The following CIMAP2 variants were observed in gnomAD, a reference collection of about 807,000 sequenced individuals.
CIMAP2 encodes ciliary microtubule-associated protein 2.
At chr1:54,818,182 G>T in the CIMAP2 span, among the ~76,000 whole-genome samples, 1 of 152,072 alleles carries the variant, frequency 6.6e-6, no homozygotes, top group Non-Finnish European at 1.5e-5. Flanking sequence ...ATGCATCTTG[G>T]CATGGGTCTG....
the CIMAP2 span, among the ~76,000 whole-genome samples, chr1:54,814,376 C>G: frequency 1.3e-5 from 2 of 152,190 alleles, no homozygotes; most frequent in Non-Finnish European, 2.9e-5. Context: ...CCCACTTGCT[C>G]CGCCCAAGGG....
the CIMAP2 span, among the ~76,000 whole-genome samples, chr1:54,827,688 T>G: frequency 2.0e-5 from 3 of 152,230 alleles, no homozygotes; most frequent in Admixed American, 6.5e-5. Context: ...CACAGGTGAA[T>G]GTACACTGCC....
chr1:54,811,765 G>GCCGGGGGGCGGGGC, the CIMAP2 span: 1 of 1,301,332 alleles, frequency 7.7e-7, no homozygotes, highest in Non-Finnish European at 1.1e-6. Context: ...GGTTCTGACA[G>GCCGGGGGGCGGGGC]CCTCCATGCC....
chr1:54,811,765 G>GCCGGGGGGGGGGGGGGGCCCCCC, the CIMAP2 span: 4 of 1,301,312 alleles, frequency 3.1e-6, no homozygotes, highest in African/African-American at 1.5e-5. Flanking sequence ...GGTTCTGACA[G>GCCGGGGGGGGGGGGGGGCCCCCC]CCTCCATGCC....
chr1:54,818,633 C>T, the CIMAP2 span, among the ~76,000 whole-genome samples: 1 of 152,006 alleles, frequency 6.6e-6, no homozygotes, highest in Non-Finnish European at 1.5e-5. Flanking sequence ...ACTCTGACGC[C>T]CAGCCTGGAG....
chr1:54,807,591 G>A, the CIMAP2 span: 5 of 1,607,400 alleles, frequency 3.1e-6, no homozygotes, highest in African/African-American at 6.7e-5. Flanking sequence ...AGCTGATGAA[G>A]GAGGTGGACA....
the CIMAP2 span, chr1:54,811,766 C>CGGGGGGGGGGGCGG: frequency 5.4e-6 from 7 of 1,305,178 alleles, no homozygotes; most frequent in Non-Finnish European, 7.6e-6. Flanking sequence ...GTTCTGACAG[C>CGGGGGGGGGGGCGG]CTCCATGCCC....
At chr1:54,814,274 C>T in the CIMAP2 span, among the ~76,000 whole-genome samples, 1 of 152,198 alleles carries the variant, frequency 6.6e-6, no homozygotes, top group Non-Finnish European at 1.5e-5. Flanking sequence ...GCCGACCTTC[C>T]CCCTGCACCT....
the CIMAP2 span, among the ~76,000 whole-genome samples, chr1:54,822,053 T>C: frequency 2.2e-5 from 3 of 137,678 alleles, no homozygotes; most frequent in East Asian, 7.1e-4. Flanking sequence ...CGCCCACCAC[T>C]ACGCCCGGCT....
chr1:54,817,085 C>T, the CIMAP2 span: 16 of 1,614,182 alleles, frequency 9.9e-6, no homozygotes, highest in South Asian at 1.1e-5. Context: ...TGGATCCAAA[C>T]GCTACCTCTC....
chr1:54,834,839 A>G, the CIMAP2 span, among the ~76,000 whole-genome samples: 1 of 152,238 alleles, frequency 6.6e-6, no homozygotes, highest in African/African-American at 2.4e-5. Flanking sequence ...GTGCTCAAAA[A>G]GTTTTAGATT....
the CIMAP2 span, chr1:54,812,084 C>T: frequency 4.3e-6 from 7 of 1,614,170 alleles, no homozygotes; most frequent in Middle Eastern, 1.6e-4. Context: ...TCTTCAAAAG[C>T]GACCTTGAGA....
chr1:54,820,017 T>TTTCC, the CIMAP2 span, among the ~76,000 whole-genome samples: 392 of 123,778 alleles, frequency 3.2e-3, 4 homozygotes, highest in African/African-American at 0.013. Flanking sequence ...CTTTTCCTTC[T>TTTCC]TTCCTTCCTT....
the CIMAP2 span, chr1:54,814,878 C>T: frequency 1.2e-6 from 2 of 1,613,054 alleles, no homozygotes; most frequent in Non-Finnish European, 1.7e-6. Context: ...ACTGCCAGAG[C>T]CTCTCCAGAT....
the CIMAP2 span, among the ~76,000 whole-genome samples, chr1:54,837,210 A>G: frequency 6.6e-6 from 1 of 152,056 alleles, no homozygotes; most frequent in African/African-American, 2.4e-5. Flanking sequence ...TTTGTTCCCC[A>G]AATGACGTCA....
the CIMAP2 span, chr1:54,808,095 T>TCCAG: frequency 7.8e-6 from 11 of 1,402,278 alleles, no homozygotes; most frequent in South Asian, 5.0e-5. Context: ...TACATATCCA[T>TCCAG]CCAGCCAGCC....
At chr1:54,811,765 G>GCCGGGGGGGGGCCC in the CIMAP2 span, 4 of 1,301,316 alleles carry the variant, frequency 3.1e-6, no homozygotes, top group Non-Finnish European at 3.3e-6. Flanking sequence ...GGTTCTGACA[G>GCCGGGGGGGGGCCC]CCTCCATGCC....
chr1:54,840,184 A>T, the CIMAP2 span, among the ~76,000 whole-genome samples: 1 of 152,168 alleles, frequency 6.6e-6, no homozygotes, highest in Non-Finnish European at 1.5e-5. Context: ...CAATTCTACC[A>T]TCCCTGGAGT....
chr1:54,825,111 C>T, the CIMAP2 span, among the ~76,000 whole-genome samples: 37 of 131,872 alleles, frequency 2.8e-4, no homozygotes, highest in African/African-American at 8.7e-4. Context: ...GTGCAGTGGC[C>T]CTGATCTTGG....
Sources: allele counts gnomAD v4.1 joint callset (sites outside exome capture counted in the v4.1 genomes callset), GRCh38; gene constraint gnomAD v4.1.1; transcripts MANE v1.5; gene names NCBI Gene and HGNC (gene_info 2026-07-23, HGNC 2026-07-21).